PYROXD2: variants seen among roughly 807,000 people sequenced by gnomAD.
PYROXD2 encodes the protein pyridine nucleotide-disulfide oxidoreductase domain-containing protein 2.
In PYROXD2, 69 loss-of-function variants were observed where a neutral mutation model predicts 71.1. The observed-to-expected ratio is 0.97, with a 90% confidence interval of 0.80 to 1.19. The LOEUF (loss-of-function observed/expected upper bound fraction) is 1.19, where lower values mean the gene tolerates loss of function less well. PYROXD2 is among the 50% of genes most tolerant of loss of function. The probability of loss-of-function intolerance (pLI) is 0.00; values close to 1 mark genes in which losing one functional copy is unlikely to be tolerated. For missense variants in PYROXD2, 745 were observed against 748.9 expected (o/e 0.99, Z 0.06); for synonymous variants, 287 against 302.7 (o/e 0.95, Z 0.54).
chr10:98,410,735 G>T, intron 2 of PYROXD2: 1 of 680,394 alleles, frequency 1.5e-6, no homozygotes, highest in Non-Finnish European at 2.4e-6. Context: ...GGGAGGAAAG[G>T]AGCCTGTGAT....
At position 98,383,875 on chromosome 10, in the gene PYROXD2, G is replaced by A. The variant is rs1842665493; in HGVS notation, c.1676-7C>T. 6.2e-7 allele frequency: 1 copy of A among 1,613,756 alleles called. No individual in the cohort carries two copies. The highest frequency in any genetic ancestry group is 8.5e-7 in the Non-Finnish European group (1 of 1,179,826). ...GCTCCCATCACACCTCCTCCTGGAA[G>A]GGAATCTCCTATGAACCAAAGCTCC... On this transcript the variant is annotated splice_region_variant and splice_polypyrimidine_tract_variant and intron_variant, in intron 15 of 15. Coordinates refer to ENST00000370575, the MANE Select transcript of PYROXD2 (RefSeq NM_032709.3).
At chr10:98,393,254 C>G (rs1843012652) in intron 8 of PYROXD2, among the ~76,000 whole-genome samples, 171 bp from the exon 9 acceptor site, 1 of 152,192 alleles carries the variant, frequency 6.6e-6, no homozygotes, top group African/African-American at 2.4e-5. Context: ...TTTGCCTTCT[C>G]TACACCCTCT....
At chr10:98,403,515 C>T (rs1450917103) in intron 4 of PYROXD2, among the ~76,000 whole-genome samples, 2 of 152,180 alleles carry the variant, frequency 1.3e-5, no homozygotes, top group African/African-American at 4.8e-5. Context: ...GCAGTCCTGC[C>T]CCTCCCACCC....
At chr10:98,384,045 G>A (rs1174282417) in intron 15 of PYROXD2, among the ~76,000 whole-genome samples, 177 bp from the exon 16 acceptor site, 1 of 152,138 alleles carries the variant, frequency 6.6e-6, no homozygotes, top group East Asian at 1.9e-4. Context: ...GCTCCCTCCA[G>A]GCTTCCTGCA....
chr10:98,395,528 AG>A, intron 6 of PYROXD2, 76 bp from the exon 7 acceptor site: 1 of 1,313,640 alleles, frequency 7.6e-7, no homozygotes, highest in South Asian at 1.2e-5. Flanking sequence ...GGGGGATAAA[AG>A]CATGGAGGAT....
chr10:98,400,456 C>G (rs1178799475), intron 4 of PYROXD2, among the ~76,000 whole-genome samples, 199 bp from the exon 5 acceptor site: 1 of 152,138 alleles, frequency 6.6e-6, no homozygotes, highest in East Asian at 1.9e-4. Flanking sequence ...GATACTGTAT[C>G]ACATCGCAGT....
intron 12 of PYROXD2, 45 bp from the exon 13 acceptor site, chr10:98,388,553 C>G (rs1440791576): frequency 6.8e-7 from 1 of 1,480,066 alleles, no homozygotes; most frequent in Admixed American, 2.4e-5. Flanking sequence ...AGCAGCAGTG[C>G]GGAGGGTAGG....
At position 98,411,035 on chromosome 10, in the gene PYROXD2, C is replaced by T. The variant is rs536223552; in HGVS notation, c.128-77G>A. 9.8e-5 allele frequency: 151 copies of T among 1,546,190 alleles called. No individual in the cohort carries two copies. In the African/African-American group the frequency reaches 1.9e-3, roughly 19 times the overall value. On this transcript the variant is annotated intron_variant, in intron 1 of 15. Coordinates refer to ENST00000370575, the MANE Select transcript of PYROXD2 (RefSeq NM_032709.3). ...AGACAGACAGTCCTTGAGGAATGTG[C>T]TCCCCGCTGCCCGTCCCCATGCCAT...
intron 12 of PYROXD2, among the ~76,000 whole-genome samples, chr10:98,389,113 G>C (rs868184081): frequency 6.6e-6 from 1 of 152,106 alleles, no homozygotes; most frequent in South Asian, 2.1e-4. Context: ...CGCTGAACTC[G>C]GATGTCCACC....
At chr10:98,402,170 G>A (rs577157726) in intron 4 of PYROXD2, among the ~76,000 whole-genome samples, 1 of 152,098 alleles carries the variant, frequency 6.6e-6, no homozygotes. Flanking sequence ...ATAGTCTATC[G>A]TTGACCAACA....
intron 1 of PYROXD2, among the ~76,000 whole-genome samples, chr10:98,413,550 C>A (rs934785614): frequency 2.6e-5 from 4 of 151,936 alleles, no homozygotes; most frequent in Admixed American, 2.6e-4. Flanking sequence ...CCCGTCTCTA[C>A]TAAAAATACA....
chr10:98,391,816 C>A (rs1842953226), intron 10 of PYROXD2, among the ~76,000 whole-genome samples: 1 of 152,166 alleles, frequency 6.6e-6, no homozygotes, highest in African/African-American at 2.4e-5. Context: ...ACACATGGAG[C>A]ATAGCCGAGT....
intron 4 of PYROXD2, among the ~76,000 whole-genome samples, chr10:98,402,609 G>T (rs999877292): frequency 6.6e-6 from 1 of 152,200 alleles, no homozygotes; most frequent in Non-Finnish European, 1.5e-5. Flanking sequence ...AACAAAAGGG[G>T]CCTGTGCCGC....
chr10:98,386,327 GAGGAAGGA>G (rs57195135), intron 14 of PYROXD2, among the ~76,000 whole-genome samples: 13 of 134,934 alleles, frequency 9.6e-5, no homozygotes, highest in East Asian at 4.4e-4. Context: ...GGAAGGGAGG[GAGGAAGGA>G]AGGAAGGAAG....
In PYROXD2 at chr10:98,400,105, G is replaced by A. The variant is rs775811301; in HGVS notation, c.468C>T (p.Ala156=). The A allele has an allele frequency of 1.2e-6, 2 of 1,612,520 alleles. No individual in the cohort carries two copies. The highest frequency in any genetic ancestry group is 1.3e-5 in the African/African-American group (1 of 74,892). The change falls in exon 5 of 16, where the codon GCC becomes GCT. Residue 156 remains alanine (A), a synonymous_variant. Coordinates refer to ENST00000370575, the MANE Select transcript of PYROXD2 (RefSeq NM_032709.3). ...KQIAQFSQKD[A]QVFPKYEEFM... ...AGTCACTGGTCGCCTTCCCTACCTGGGCATCCTTCTGGGAGAACTGGGCGA... is the reference window on the plus strand; with the variant it reads ...AGTCACTGGTCGCCTTCCCTACCTGAGCATCCTTCTGGGAGAACTGGGCGA...
intron 12 of PYROXD2, among the ~76,000 whole-genome samples, chr10:98,390,168 C>T (rs940104568): frequency 1.3e-4 from 20 of 152,166 alleles, no homozygotes; most frequent in Non-Finnish European, 1.5e-5. Context: ...GGAAATACAG[C>T]TGCAGTGGGA....
At chr10:98,403,058 C>A (rs958335840) in intron 4 of PYROXD2, among the ~76,000 whole-genome samples, 3 of 152,168 alleles carry the variant, frequency 2.0e-5, no homozygotes, top group African/African-American at 7.2e-5. Context: ...TTGCTCCACA[C>A]TGGAGATGCT....
At chr10:98,385,401 C>T (rs990938633) in intron 14 of PYROXD2, among the ~76,000 whole-genome samples, 32 of 152,346 alleles carry the variant, frequency 2.1e-4, no homozygotes, top group Admixed American at 6.5e-4. Flanking sequence ...TGTTGGCATG[C>T]GTCTCTGCGA....
At chr10:98,411,085 CCCCTT>C in intron 1 of PYROXD2, 127 bp from the exon 2 acceptor site, 1 of 1,312,022 alleles carries the variant, frequency 7.6e-7, no homozygotes, top group Non-Finnish European at 1.1e-6. Flanking sequence ...ACCCTCCCCT[CCCCTT>C]CCCGCACTCA....
Sources: gnomAD v4.1 joint callset for allele counts (sites outside exome capture counted in the v4.1 genomes callset) on GRCh38, gnomAD v4.1.1 for gene constraint, MANE v1.5 for transcripts, NCBI Gene and HGNC (gene_info 2026-07-23, HGNC 2026-07-21) for gene names.